GNPTAB: variants seen among roughly 807,000 people sequenced by gnomAD.
The protein encoded by GNPTAB is N-acetylglucosamine-1-phosphotransferase subunits alpha/beta.
A neutral mutation model predicts 136.6 loss-of-function variants in GNPTAB; 92 were observed. That is an observed-to-expected ratio of 0.67 (90% confidence interval 0.57 to 0.80). The LOEUF is 0.80. Ranked by LOEUF, GNPTAB falls within the 30% of genes least tolerant of loss-of-function variation. The pLI is 0.00. For missense variants in GNPTAB, 1,343 were observed against 1,501.8 expected (o/e 0.89, Z 1.75); for synonymous variants, 512 against 535.1 (o/e 0.96, Z 0.60).
chr12:101,781,050 T>C (rs1953335426), intron 5 of GNPTAB, among the ~76,000 whole-genome samples: 1 of 152,158 alleles, frequency 6.6e-6, no homozygotes, highest in Admixed American at 6.5e-5. Context: ...GTGGCATGTA[T>C]GTTAACAGCA....
rs760807924 is a variant in GNPTAB, at chr12:101,761,582, A to G, written c.2897T>C (p.Met966Thr). The part of the protein sequence containing the change: ...HMPHMIDRIV[M>T]QELQDMFPEE... ...GACTTACATATCTTGCAGTTCTTGC[A>G]TAACAATCCGGTCAATCATGTGAGG... is the stretch of plus-strand genomic sequence containing the variant. Residue 966 changes from methionine (M) to threonine (T), a missense_variant, in exon 14 of 21, where the codon ATG becomes ACG. Transcript: ENST00000299314. The G allele has an allele frequency of 5.0e-6, 8 of 1,614,046 alleles. No homozygotes were observed. The highest frequency in any genetic ancestry group is 1.7e-5 in the Admixed American group (1 of 60,012).
chr12:101,786,414 C>G (rs1181526265), intron 4 of GNPTAB, among the ~76,000 whole-genome samples, 197 bp from the exon 5 acceptor site: 2 of 152,160 alleles, frequency 1.3e-5, no homozygotes, highest in Non-Finnish European at 2.9e-5. Flanking sequence ...AAACCCAACT[C>G]CAAAGATAGA....
chr12:101,783,720 C>CTT (rs113705425), intron 5 of GNPTAB, among the ~76,000 whole-genome samples: 3 of 145,060 alleles, frequency 2.1e-5, no homozygotes, highest in African/African-American at 2.5e-5. Flanking sequence ...CTAAAAATAA[C>CTT]TTTTTTTTTT....
At position 101,752,192 on chromosome 12, in the gene GNPTAB, G is replaced by C. The variant is rs144351569; in HGVS notation, c.3602+1180C>G. On this transcript the variant is annotated intron_variant, in intron 19 of 20. Transcript: ENST00000299314. ...TAATCCCAGTACTTTGGGAGCCTGA[G>C]GCGGGAGGATCGCTTGAGCCAAGGA... Among the ~76,000 whole-genome samples the C allele has an allele frequency of 2.9e-3, 435 of 152,324 alleles. 2 individuals carry two copies. Among genetic ancestry groups the C allele is most frequent in the Admixed American group, 4.4e-3 (67 of 15,300 alleles).
At chr12:101,775,348 T>C (rs1330347585) in intron 7 of GNPTAB, among the ~76,000 whole-genome samples, 1 of 148,826 alleles carries the variant, frequency 6.7e-6, no homozygotes, top group Non-Finnish European at 1.5e-5. Flanking sequence ...AATTCAAAGC[T>C]ATTAGATCTT....
chr12:101,770,271 A>T, intron 9 of GNPTAB, 80 bp from the exon 10 acceptor site: 1 of 1,468,894 alleles, frequency 6.8e-7, no homozygotes, highest in Non-Finnish European at 9.5e-7. Context: ...GAAGGAAGGG[A>T]AGGCAATGAA....
At chr12:101,830,018 A>G (rs1260286294) in intron 1 of GNPTAB, among the ~76,000 whole-genome samples, 4 of 151,644 alleles carry the variant, frequency 2.6e-5, no homozygotes, top group African/African-American at 4.8e-5. Context: ...AAAAAAAAAA[A>G]AAAAGAAAAA....
chr12:101,754,272 C>CA (rs1445201916), intron 18 of GNPTAB, among the ~76,000 whole-genome samples: 2 of 151,362 alleles, frequency 1.3e-5, no homozygotes, highest in African/African-American at 4.9e-5. Flanking sequence ...ACTAAAAATA[C>CA]AAAAAAATTA....
intron 1 of GNPTAB, among the ~76,000 whole-genome samples, chr12:101,810,006 T>C (rs771600304): frequency 2.6e-5 from 4 of 152,148 alleles, no homozygotes; most frequent in Non-Finnish European, 5.9e-5. Context: ...AGGCCAGGTA[T>C]GGTGATTCAC....
At chr12:101,805,128 C>T (rs1869863469) in intron 1 of GNPTAB, among the ~76,000 whole-genome samples, 1 of 151,920 alleles carries the variant, frequency 6.6e-6, no homozygotes, top group Non-Finnish European at 1.5e-5. Flanking sequence ...TTGGTATATA[C>T]TTTTAGTATA....
intron 7 of GNPTAB, among the ~76,000 whole-genome samples, chr12:101,775,015 G>A (rs548358726): frequency 2.6e-5 from 4 of 152,292 alleles, no homozygotes; most frequent in East Asian, 1.9e-4. Context: ...AAATACTCCC[G>A]AAGGACAGAG....
chr12:101,762,073 TC>T (rs1251823644), intron 13 of GNPTAB, among the ~76,000 whole-genome samples: 4 of 152,194 alleles, frequency 2.6e-5, no homozygotes, highest in African/African-American at 7.2e-5. Flanking sequence ...CAAAGCTAAT[TC>T]AATGCAACAT....
intron 1 of GNPTAB, among the ~76,000 whole-genome samples, chr12:101,817,051 G>A (rs945762281): frequency 6.6e-6 from 1 of 152,130 alleles, no homozygotes; most frequent in Non-Finnish European, 1.5e-5. Context: ...AAAGGGTAGT[G>A]GGGGCAGTGG....
chr12:101,751,760 G>C (rs1952822630), intron 19 of GNPTAB, among the ~76,000 whole-genome samples: 1 of 152,122 alleles, frequency 6.6e-6, no homozygotes, highest in South Asian at 2.1e-4. Flanking sequence ...CGTACAACAG[G>C]TTCTCAAGAA....
At chr12:101,807,891 A>C (rs1870015195) in intron 1 of GNPTAB, among the ~76,000 whole-genome samples, 1 of 152,320 alleles carries the variant, frequency 6.6e-6, no homozygotes, top group Admixed American at 6.5e-5. Flanking sequence ...TCAAAAAACA[A>C]ACAAATAAAA....
chr12:101,824,434 T>A (rs868679546), intron 1 of GNPTAB, among the ~76,000 whole-genome samples: 55 of 67,930 alleles, frequency 8.1e-4, no homozygotes, highest in African/African-American at 2.0e-3. Context: ...ATATATATAT[T>A]TTCTTTTTTT....
rs1371100194 is a variant in GNPTAB, at chr12:101,792,067, G to C, written c.204-2010C>G. Among the ~76,000 whole-genome samples the C allele has an allele frequency of 4.6e-5, 7 of 152,168 alleles. 1 individual carries two copies. The highest frequency in any genetic ancestry group is 6.3e-3 in the Middle Eastern group (2 of 316). On this transcript the variant is annotated intron_variant, in intron 2 of 20. Coordinates refer to ENST00000299314, the MANE Select transcript of GNPTAB (RefSeq NM_024312.5). ...TGTGGAGAAAGTAAAGCAGCAAATG[G>C]GGATAGAAAGAGTGTCTATGGGGAG...
chr12:101,802,864 C>G (rs1869725214), intron 1 of GNPTAB, among the ~76,000 whole-genome samples: 1 of 152,076 alleles, frequency 6.6e-6, no homozygotes, highest in South Asian at 2.1e-4. Context: ...CCCTTGAGGA[C>G]AATACTAAAA....
intron 1 of GNPTAB, among the ~76,000 whole-genome samples, chr12:101,814,617 A>C (rs1178132437): frequency 6.6e-6 from 1 of 151,900 alleles, no homozygotes; most frequent in Non-Finnish European, 1.5e-5. Context: ...GAATTGCTTG[A>C]ACCTGGGAGG....
Sources: gnomAD v4.1 joint callset for allele counts (sites outside exome capture counted in the v4.1 genomes callset) on GRCh38, gnomAD v4.1.1 for gene constraint, MANE v1.5 for transcripts, NCBI Gene and HGNC (gene_info 2026-07-23, HGNC 2026-07-21) for gene names.